The following OTOP3 variants were observed in gnomAD, a reference collection of about 807,000 sequenced individuals.
OTOP3 encodes proton channel OTOP3.
A neutral mutation model predicts 50.8 loss-of-function variants in OTOP3; 41 were observed. That is an observed-to-expected ratio of 0.81 (90% confidence interval 0.63 to 1.05). OTOP3 has a LOEUF of 1.05. Among genes scored for constraint, OTOP3 ranks in the 50% least tolerant of loss-of-function variants. The probability of loss-of-function intolerance (pLI) is 0.00; values close to 1 mark genes in which losing one functional copy is unlikely to be tolerated. For synonymous variants in OTOP3, 320 were observed against 324.4 expected (o/e 0.99, Z 0.14); for missense variants, 788 against 760.8 (o/e 1.04, Z -0.42).
At chr17:74,940,797 G>T (rs1441762604) in intron 1 of OTOP3, among the ~76,000 whole-genome samples, 1 of 152,184 alleles carries the variant, frequency 6.6e-6, no homozygotes, top group Non-Finnish European at 1.5e-5. Flanking sequence ...GGGACTGCTG[G>T]TCTAGACCTT....
At position 74,943,322 on chromosome 17, in the gene OTOP3, C is replaced by T. The variant is rs377705306; in HGVS notation, c.610C>T (p.Arg204Trp). 4.2e-5 allele frequency: 67 copies of T among 1,614,176 alleles called. 1 individual carries two copies. The highest frequency in any genetic ancestry group is 1.6e-4 in the East Asian group (7 of 44,882). Residue 204 changes from arginine to tryptophan, a missense_variant, in exon 4 of 7, where the codon CGG becomes TGG. Transcript: ENST00000328801. The part of the protein sequence containing the change: ...VLWKHCKDCV[R>W]VQTNFTRCGL... ...CTGGAAACACTGCAAAGACTGTGTTCGGGTCCAGACCAACTTCACTAGGTA... is the reference window on the plus strand; with the variant it reads ...CTGGAAACACTGCAAAGACTGTGTTTGGGTCCAGACCAACTTCACTAGGTA...
intron 3 of OTOP3, among the ~76,000 whole-genome samples, chr17:74,942,899 T>C (rs879684342): frequency 6.7e-5 from 10 of 149,276 alleles, no homozygotes; most frequent in Admixed American, 2.7e-4. Context: ...GAGCCGAGAT[T>C]GCGCCACTGC....
Position 74,943,624 on chromosome 17 carries a change from C to A in OTOP3, c.651C>A (p.Thr217=). The change falls in exon 5 of 7, where the codon ACC becomes ACA. Residue 217 remains threonine, a synonymous_variant. Coordinates refer to ENST00000328801, the MANE Select transcript of OTOP3 (RefSeq NM_001272005.2). ...CCCCCAGGTGTGGCCTGATGCTGAC[C>A]CTGGCCACAAACCTGCTGCTGTGGG... The part of the protein sequence containing the change: ...TNFTRCGLML[T]LATNLLLWVL... 1.2e-6 allele frequency: 2 copies of A among 1,613,680 alleles called. No individual in the cohort carries two copies. Among genetic ancestry groups the A allele is most frequent in the Non-Finnish European group, 1.7e-6 (2 of 1,179,944 alleles).
intron 5 of OTOP3, 109 bp from the exon 6 acceptor site, chr17:74,946,552 C>A: frequency 1.1e-6 from 1 of 926,048 alleles, no homozygotes; most frequent in Non-Finnish European, 1.6e-6. Context: ...GCGGCTGGGT[C>A]GCTTTCAGCT....
intron 6 of OTOP3, 112 bp from the exon 7 acceptor site, chr17:74,949,134 G>A (rs2039257754): frequency 1.9e-6 from 2 of 1,056,654 alleles, no homozygotes; most frequent in Admixed American, 4.0e-5. Context: ...AGACTGAGCG[G>A]GAGGTGGGGG....
At chr17:74,936,668 G>C (rs1182102252) in intron 1 of OTOP3, among the ~76,000 whole-genome samples, 1 of 152,166 alleles carries the variant, frequency 6.6e-6, no homozygotes, top group East Asian at 1.9e-4. Context: ...TGGGAGACGG[G>C]GGATACTGTC....
intron 1 of OTOP3, among the ~76,000 whole-genome samples, chr17:74,939,586 A>G (rs1376108539): frequency 6.6e-6 from 1 of 152,144 alleles, no homozygotes; most frequent in Admixed American, 6.5e-5. Context: ...CAGGCATTGG[A>G]TGGCCCAAAA....
At chr17:74,937,505 A>C (rs1354917804) in intron 1 of OTOP3, among the ~76,000 whole-genome samples, 1 of 152,152 alleles carries the variant, frequency 6.6e-6, no homozygotes, top group Non-Finnish European at 1.5e-5. Context: ...TAGAGCAGTT[A>C]CAGTTGGGAT....
intron 1 of OTOP3, among the ~76,000 whole-genome samples, chr17:74,939,165 C>T (rs889068046): frequency 1.3e-5 from 2 of 151,958 alleles, no homozygotes; most frequent in African/African-American, 4.8e-5. Flanking sequence ...CAGAGCGAGA[C>T]CCTAGCTCTA....
At chr17:74,936,086 C>G in intron 1 of OTOP3, 146 bp downstream of exon 1, 2 of 1,305,806 alleles carry the variant, frequency 1.5e-6, no homozygotes, top group East Asian at 2.6e-5. Flanking sequence ...GAGGTGAACT[C>G]CCTTTAATCT....
At chr17:74,948,668 T>C (rs1289373329) in intron 6 of OTOP3, among the ~76,000 whole-genome samples, 2 of 145,962 alleles carry the variant, frequency 1.4e-5, no homozygotes, top group Non-Finnish European at 3.0e-5. Flanking sequence ...TCTTAAAAAA[T>C]AGTAATAATA....
intron 5 of OTOP3, among the ~76,000 whole-genome samples, chr17:74,944,845 G>A (rs1424831794): frequency 6.6e-6 from 1 of 152,068 alleles, no homozygotes; most frequent in Non-Finnish European, 1.5e-5. Flanking sequence ...TTAATATTTG[G>A]CCATATTTAT....
intron 1 of OTOP3, 135 bp from the exon 2 acceptor site, chr17:74,941,258 A>C: frequency 1.1e-6 from 1 of 894,422 alleles, no homozygotes; most frequent in South Asian, 2.2e-5. Context: ...GGCAGCTGCT[A>C]TTAGTTCCAA....
rs1324449762 is a variant in OTOP3 at position 74,942,504 on chromosome 17, G to A, written c.573+467G>A. Among the ~76,000 whole-genome samples the A allele has an allele frequency of 3.3e-5, 5 of 152,186 alleles. No individual in the cohort carries two copies. The East Asian group carries it at 7.7e-4, about 23-fold the overall frequency. On this transcript the variant is annotated intron_variant, in intron 3 of 6. Coordinates refer to ENST00000328801, the MANE Select transcript of OTOP3 (RefSeq NM_001272005.2). ...AAATTAGCCGGGTGTGGTGGCGCAC[G>A]CCTGTAGTCCCAGCTACTCGGGAGG...
At chr17:74,945,860 C>G (rs2039220306) in intron 5 of OTOP3, among the ~76,000 whole-genome samples, 1 of 152,230 alleles carries the variant, frequency 6.6e-6, no homozygotes, top group South Asian at 2.1e-4. Context: ...GAACACGGCT[C>G]ACTGCAGCCT....
Position 74,947,142 on chromosome 17 carries a change from C to T in OTOP3, c.1233C>T (p.Ile411=), listed in dbSNP as rs758729624. ...GTGCTGCACTGGGCCAGATGGGCATCGCCTATTTCTCCATCGTGGCCATTG... is the reference window on the plus strand; with the variant it reads ...GTGCTGCACTGGGCCAGATGGGCATTGCCTATTTCTCCATCGTGGCCATTG... ...LMGAALGQMG[I]AYFSIVAIVA... The change falls in exon 6 of 7, where the codon ATC becomes ATT. Residue 411 remains isoleucine, a synonymous_variant. Coordinates refer to ENST00000328801, the MANE Select transcript of OTOP3 (RefSeq NM_001272005.2). 1.4e-5 allele frequency: 22 copies of T among 1,614,004 alleles called. No individual in the cohort carries two copies. Among genetic ancestry groups the T allele is most frequent in the Middle Eastern group, 3.3e-4 (2 of 6,084 alleles).
intron 3 of OTOP3, 152 bp from the exon 4 acceptor site, chr17:74,943,134 A>T: frequency 1.3e-6 from 1 of 743,806 alleles, no homozygotes; most frequent in Non-Finnish European, 2.3e-6. Context: ...CACTGATTCA[A>T]TACCACACAG....
rs1363107718 is a variant in OTOP3, at chr17:74,936,008, C to A, written c.19+68C>A. On this transcript the variant is annotated intron_variant, in intron 1 of 6. Coordinates refer to ENST00000328801, the MANE Select transcript of OTOP3 (RefSeq NM_001272005.2). ...CCAGACACTGGCACATACTACCCAC[C>A]CCCCCAAAAGGGGGGTTCACAAGTA... 3.3e-6 allele frequency: 5 copies of A among 1,531,582 alleles called. No homozygotes were observed. The African/African-American group carries it at 4.1e-5, about 13-fold the overall frequency. 94.9% of individuals were successfully genotyped at this position (1,531,582 alleles called of 1,614,324 possible).
At position 74,940,880 on chromosome 17, in the gene OTOP3, A is replaced by G. The variant is rs117795126; in HGVS notation, c.20-513A>G. The stretch of plus-strand genomic sequence containing the variant: ...GTTTCAGATCACACCATTCTTCCCT[A>G]CCAAGCCCAGACACAGCCTCAGGAT... On this transcript the variant is annotated intron_variant, in intron 1 of 6. Coordinates refer to ENST00000328801, the MANE Select transcript of OTOP3 (RefSeq NM_001272005.2). Among the ~76,000 whole-genome samples, 722 of 152,240 alleles carry G rather than the reference A, an allele frequency of 4.7e-3. 15 individuals are homozygous for G. The highest frequency in any genetic ancestry group is 0.042 in the East Asian group (217 of 5,186).
Sources: gnomAD v4.1 joint callset for allele counts (sites outside exome capture counted in the v4.1 genomes callset) on GRCh38, gnomAD v4.1.1 for gene constraint, MANE v1.5 for transcripts, NCBI Gene and HGNC (gene_info 2026-07-23, HGNC 2026-07-21) for gene names.